Variants in ABTB3 observed in about 807,000 individuals in gnomAD.
ABTB3 encodes ankyrin repeat and BTB domain containing 3.
chr12:107,323,473 T>C, the ABTB3 span, among the ~76,000 whole-genome samples: 14,355 of 152,286 alleles, frequency 0.094, 875 homozygotes, highest in African/African-American at 0.17. Flanking sequence ...GCTGTGGGCA[T>C]GAACTTTGTG....
the ABTB3 span, among the ~76,000 whole-genome samples, chr12:107,356,830 G>C: frequency 1.5e-4 from 23 of 152,206 alleles, no homozygotes; most frequent in African/African-American, 3.9e-4. Flanking sequence ...CAGTGATCCC[G>C]CCAGCTAAAG....
the ABTB3 span, among the ~76,000 whole-genome samples, chr12:107,522,770 G>T: frequency 7.2e-6 from 1 of 139,176 alleles, no homozygotes; most frequent in Non-Finnish European, 1.5e-5. Flanking sequence ...AATGAAGGAA[G>T]GAAAGAAGGA....
chr12:107,501,872 C>G, the ABTB3 span, among the ~76,000 whole-genome samples: 1,115 of 152,030 alleles, frequency 7.3e-3, 12 homozygotes, highest in African/African-American at 0.025. Context: ...GTCTGTAATG[C>G]GAATGTGATG....
the ABTB3 span, among the ~76,000 whole-genome samples, chr12:107,622,560 C>T: frequency 1.3e-5 from 2 of 152,220 alleles, no homozygotes; most frequent in African/African-American, 4.8e-5. Flanking sequence ...TGGCTCACTG[C>T]AACCTCTGCC....
the ABTB3 span, among the ~76,000 whole-genome samples, chr12:107,328,068 A>G: frequency 6.6e-6 from 1 of 152,158 alleles, no homozygotes; most frequent in African/African-American, 2.4e-5. Flanking sequence ...ATGTAAGGGG[A>G]CTGAAAATTA....
the ABTB3 span, among the ~76,000 whole-genome samples, chr12:107,489,371 C>T: frequency 6.6e-6 from 1 of 152,106 alleles, no homozygotes; most frequent in Non-Finnish European, 1.5e-5. Flanking sequence ...AAATACAAAA[C>T]CAGCCGGGCG....
chr12:107,412,508 G>C, the ABTB3 span, among the ~76,000 whole-genome samples: 1 of 152,210 alleles, frequency 6.6e-6, no homozygotes, highest in African/African-American at 2.4e-5. Context: ...CGGAAACGTA[G>C]GAGGTTGGAG....
At chr12:107,476,391 C>T in the ABTB3 span, among the ~76,000 whole-genome samples, 6 of 152,156 alleles carry the variant, frequency 3.9e-5, no homozygotes, top group African/African-American at 1.4e-4. Context: ...CTAATCCTCA[C>T]CTTCACCTTG....
chr12:107,319,930 C>T, the ABTB3 span: 1 of 1,500,530 alleles, frequency 6.7e-7, no homozygotes, highest in South Asian at 1.3e-5. Flanking sequence ...CAGCCGCCGC[C>T]AACCACCACC....
chr12:107,327,428 G>A, the ABTB3 span, among the ~76,000 whole-genome samples: 1 of 152,154 alleles, frequency 6.6e-6, no homozygotes, highest in Non-Finnish European at 1.5e-5. Flanking sequence ...AGACATAGTT[G>A]TCTGTTTTTA....
At chr12:107,547,011 T>G in the ABTB3 span, among the ~76,000 whole-genome samples, 1 of 152,096 alleles carries the variant, frequency 6.6e-6, no homozygotes, top group Non-Finnish European at 1.5e-5. Flanking sequence ...CTGGGCAACA[T>G]GGCAAGACCC....
chr12:107,385,305 G>C, the ABTB3 span, among the ~76,000 whole-genome samples: 1 of 150,150 alleles, frequency 6.7e-6, no homozygotes, highest in Non-Finnish European at 1.5e-5. Flanking sequence ...CTTTCCAGCA[G>C]TGATGAGTGC....
At chr12:107,524,625 A>G in the ABTB3 span, among the ~76,000 whole-genome samples, 2 of 152,194 alleles carry the variant, frequency 1.3e-5, no homozygotes. Flanking sequence ...TATTGTCCTC[A>G]TTCGATGATA....
the ABTB3 span, among the ~76,000 whole-genome samples, chr12:107,520,941 G>A: frequency 5.9e-5 from 9 of 152,174 alleles, no homozygotes; most frequent in Middle Eastern, 3.4e-3. Flanking sequence ...GAGTGTAGTT[G>A]CGGTGATTCA....
chr12:107,344,033 C>A, the ABTB3 span, among the ~76,000 whole-genome samples: 2 of 152,184 alleles, frequency 1.3e-5, no homozygotes, highest in Non-Finnish European at 2.9e-5. Flanking sequence ...TCAACTCAGG[C>A]TCCTTCTGTC....
the ABTB3 span, among the ~76,000 whole-genome samples, chr12:107,350,545 CAA>C: frequency 4.7e-5 from 6 of 126,782 alleles, no homozygotes; most frequent in Admixed American, 2.4e-4. Flanking sequence ...GAGTCCGTCT[CAA>C]AAAAAAAAAA....
the ABTB3 span, among the ~76,000 whole-genome samples, chr12:107,586,247 G>A: frequency 3.9e-5 from 6 of 152,132 alleles, no homozygotes; most frequent in South Asian, 4.2e-4. Flanking sequence ...AGCTGCATCC[G>A]CACCAGCCAT....
At chr12:107,559,754 G>T in the ABTB3 span, among the ~76,000 whole-genome samples, 1 of 152,036 alleles carries the variant, frequency 6.6e-6, no homozygotes, top group Non-Finnish European at 1.5e-5. Flanking sequence ...CAGTTCCCTG[G>T]ATTTTTATTG....
At chr12:107,580,230 C>T in the ABTB3 span, among the ~76,000 whole-genome samples, 4 of 152,288 alleles carry the variant, frequency 2.6e-5, no homozygotes, top group South Asian at 8.3e-4. Context: ...CCAGCTGCAC[C>T]CTATACCAAT....
Sources: allele counts gnomAD v4.1 joint callset (sites outside exome capture counted in the v4.1 genomes callset), GRCh38; gene constraint gnomAD v4.1.1; transcripts MANE v1.5; gene names NCBI Gene and HGNC (gene_info 2026-07-23, HGNC 2026-07-21).